The following MRTFB variants were observed in gnomAD, a reference collection of about 807,000 sequenced individuals.
The protein encoded by MRTFB is myocardin-related transcription factor B.
MRTFB carries 29 observed loss-of-function variants against 104.2 expected under a neutral mutation model. The observed-to-expected ratio is 0.28, with a 90% CI of 0.21 to 0.38. MRTFB has a LOEUF of 0.38. MRTFB is among the 10% of genes least tolerant of loss of function. MRTFB has a pLI of 1.00. For synonymous variants in MRTFB, 535 were observed against 519.5 expected, an observed-to-expected ratio of 1.03 and a Z score of -0.41; for missense variants, 1,270 against 1,341.6, an observed-to-expected ratio of 0.95 and a Z score of 0.83.
chr16:14,196,072 C>T (rs2040417717), intron 3 of MRTFB, among the ~76,000 whole-genome samples: 1 of 152,206 alleles, frequency 6.6e-6, no homozygotes, highest in African/African-American at 2.4e-5. Context: ...ACTGTCATAT[C>T]ACAAGAAGCA....
intron 2 of MRTFB, among the ~76,000 whole-genome samples, chr16:14,108,834 A>C (rs1246829766): frequency 6.6e-6 from 1 of 152,204 alleles, no homozygotes; most frequent in Non-Finnish European, 1.5e-5. Flanking sequence ...CCAACAAAGA[A>C]AACCTTTCCC....
chr16:14,197,034 A>C (rs1307618923), intron 3 of MRTFB, among the ~76,000 whole-genome samples: 1 of 122,986 alleles, frequency 8.1e-6, no homozygotes, highest in Admixed American at 1.2e-4. Context: ...CAGTGTCGTG[A>C]TTGCGGCTCA....
chr16:14,219,217 G>A (rs2041572424), intron 8 of MRTFB, among the ~76,000 whole-genome samples: 1 of 152,128 alleles, frequency 6.6e-6, no homozygotes, highest in Non-Finnish European at 1.5e-5. Flanking sequence ...CTGAAATCTT[G>A]GAGAGTTGAA....
chr16:14,061,039 A>G, the MRTFB span, among the ~76,000 whole-genome samples: 3 of 152,044 alleles, frequency 2.0e-5, no homozygotes, highest in Non-Finnish European at 4.4e-5. Context: ...CCAGCTACTC[A>G]GGAGGCTGAA....
rs1038974747 is a variant in MRTFB, at chr16:14,200,307, C to T, written c.155-9936C>T. On this transcript the variant is annotated intron_variant, in intron 3 of 16. Coordinates refer to ENST00000571589, the MANE Select transcript of MRTFB (RefSeq NM_001308142.2). ...TTCTGAGTTCCGACCCGGACCCGTA[C>T]GCTGCTGCGCTGACGTGGCTCCCGG... 16 of 1,604,842 alleles carry T rather than the reference C, an allele frequency of 1.0e-5. No homozygotes were observed. In the East Asian group the frequency reaches 2.0e-4, roughly 20 times the overall value.
chr16:14,096,925 C>T (rs1371466201), intron 2 of MRTFB, among the ~76,000 whole-genome samples: 1 of 152,182 alleles, frequency 6.6e-6, no homozygotes, highest in African/African-American at 2.4e-5. Flanking sequence ...TTATATTTGT[C>T]CTGAATTCAC....
intron 2 of MRTFB, among the ~76,000 whole-genome samples, chr16:14,102,452 T>A (rs893198982): frequency 2.0e-5 from 3 of 152,228 alleles, no homozygotes; most frequent in Non-Finnish European, 4.4e-5. Flanking sequence ...CTCGTACATG[T>A]TTAATATTTT....
chr16:14,015,849 G>A, the MRTFB span: 1 of 398,608 alleles, frequency 2.5e-6, no homozygotes, highest in Admixed American at 4.4e-5. Flanking sequence ...TTCCCAGAAG[G>A]TTCTGTACTT....
chr16:14,091,523 T>G (rs879601357), intron 2 of MRTFB, among the ~76,000 whole-genome samples: 5 of 152,120 alleles, frequency 3.3e-5, no homozygotes, highest in Non-Finnish European at 7.4e-5. Context: ...CTTGGGAGTT[T>G]GTGCTCCCCG....
the MRTFB span, among the ~76,000 whole-genome samples, chr16:13,999,847 A>T: frequency 6.6e-6 from 1 of 152,198 alleles, no homozygotes; most frequent in Non-Finnish European, 1.5e-5. Context: ...CTTGCTGCAT[A>T]AAGAGCCTAT....
At chr16:14,084,498 C>G (rs972854916) in intron 2 of MRTFB, among the ~76,000 whole-genome samples, 25 of 152,094 alleles carry the variant, frequency 1.6e-4, no homozygotes, top group African/African-American at 6.0e-4. Context: ...CAAGATCATG[C>G]CACTGCACTC....
At position 14,140,722 on chromosome 16, in the gene MRTFB, C is replaced by A. The variant is rs762633237; in HGVS notation, c.116C>A (p.Ser39Tyr). ...AHEFQELSLQ[S>Y]SQNLPPLNER... ...GAATTCCAGGAACTCTCCTTGCAGT[C>A]CAGTCAAAACTTACCCCCTCTGAAC... The change falls in exon 3 of 17, where the codon TCC becomes TAC. Residue 39 changes from serine to tyrosine, a missense_variant. By Grantham distance (144) the Ser-to-Tyr change is moderately radical. Coordinates refer to ENST00000571589, the MANE Select transcript of MRTFB (RefSeq NM_001308142.2). 4.3e-6 allele frequency: 7 copies of A among 1,613,936 alleles called. No homozygotes were observed. The highest frequency in any genetic ancestry group is 1.7e-5 in the Admixed American group (1 of 59,986).
rs375337630 is a variant in MRTFB, at chr16:14,218,464, C to CT, written c.515-346dup. On this transcript the variant is annotated intron_variant, in intron 7 of 16. Transcript: ENST00000571589. ...TTAAATCTTAATCTATTGGGTGGAT[C>CT]TTTTTTTTTTCTTATTTGTTGAGAA... 3.1e-3 allele frequency among the ~76,000 whole-genome samples: 466 copies of CT among 150,038 alleles called. 2 individuals carry two copies. The highest frequency in any genetic ancestry group is 9.9e-3 in the African/African-American group (404 of 40,952).
Position 14,108,172 on chromosome 16 carries a change from C to T in MRTFB, c.-64+28818C>T, listed in dbSNP as rs541299669. On this transcript the variant is annotated intron_variant, in intron 2 of 16. Transcript: ENST00000571589. ...CTGGATCTGAAAGAACTGCTGGGCC[C>T]GATGCTAGATGCTGTGAAGGAGTAG... Among the ~76,000 whole-genome samples the T allele has an allele frequency of 6.6e-5, 10 of 152,110 alleles. No individual in the cohort carries two copies. The South Asian group carries it at 1.5e-3, about 22-fold the overall frequency.
intron 1 of MRTFB, among the ~76,000 whole-genome samples, chr16:14,072,349 C>T (rs1055555904): frequency 5.9e-5 from 9 of 152,184 alleles, no homozygotes; most frequent in Non-Finnish European, 1.2e-4. Flanking sequence ...CAGTATATGA[C>T]AGATGTTGCT....
At chr16:14,248,740 T>C in intron 12 of MRTFB, 186 bp from the exon 13 acceptor site, 1 of 568,542 alleles carries the variant, frequency 1.8e-6, no homozygotes, top group South Asian at 2.3e-5. Flanking sequence ...ACTGGTCTGA[T>C]GTTTCCCTCT....
At chr16:14,235,528 G>T (rs1030878822) in intron 9 of MRTFB, among the ~76,000 whole-genome samples, 1 of 152,212 alleles carries the variant, frequency 6.6e-6, no homozygotes, top group Non-Finnish European at 1.5e-5. Flanking sequence ...GAAGGCTTTG[G>T]TTCTAGAGGA....
intron 3 of MRTFB, among the ~76,000 whole-genome samples, chr16:14,166,924 G>T (rs374596561): frequency 6.6e-6 from 1 of 152,230 alleles, no homozygotes; most frequent in South Asian, 2.1e-4. Context: ...TGGGCATTTG[G>T]GTTGATTCCA....
the MRTFB span, among the ~76,000 whole-genome samples, chr16:14,057,383 T>C: frequency 0.22 from 33,840 of 152,084 alleles, 4,698 homozygotes; most frequent in African/African-American, 0.38. Flanking sequence ...TTACCTCTTG[T>C]CTTTTAACCA....
Sources: gnomAD v4.1 joint callset for allele counts (sites outside exome capture counted in the v4.1 genomes callset) on GRCh38, gnomAD v4.1.1 for gene constraint, MANE v1.5 for transcripts, NCBI Gene and HGNC (gene_info 2026-07-23, HGNC 2026-07-21) for gene names.